Variants in DCC observed in about 807,000 individuals in gnomAD.
DCC encodes the protein DCC netrin 1 receptor.
Under a neutral mutation model 172.5 loss-of-function variants are expected in DCC, and 58 were observed. The observed-to-expected ratio is 0.34, with a 90% CI of 0.27 to 0.42. The LOEUF (loss-of-function observed/expected upper bound fraction) is 0.42. Among genes scored for constraint, DCC ranks in the 10% least tolerant of loss-of-function variants. The pLI, the probability that DCC is intolerant of heterozygous loss-of-function variation, is 1.00. For synonymous variants in DCC, 709 were observed against 644.5 expected (o/e 1.10, Z -1.52); for missense variants, 1,740 against 1,791.0 (o/e 0.97, Z 0.51).
rs1276550346 is a variant in DCC, at chr18:53,531,797, C to T, written c.*1144C>T. 1.3e-5 allele frequency: 2 copies of T among 152,178 alleles called. No individual in the cohort carries two copies. Among genetic ancestry groups the T allele is most frequent in the African/African-American group, 4.8e-5 (2 of 41,436 alleles). The allele number at this position is 152,178 out of a possible 1,614,324, so 9.4% of individuals were successfully genotyped here. A position where few individuals can be genotyped will look rare whatever the true frequency, so the allele number is the denominator to read the frequency against. ...GTTGGCAAGCATTGGCCACCAGACC[C>T]TTTTGTTAAGGGAAACTTTTACACT... On this transcript the variant is annotated 3_prime_UTR_variant, in exon 29 of 29. Transcript: ENST00000442544.
chr18:52,664,208 A>T (rs1206294443), intron 1 of DCC, among the ~76,000 whole-genome samples: 1 of 152,186 alleles, frequency 6.6e-6, no homozygotes, highest in East Asian at 1.9e-4. Flanking sequence ...AACAAATCAG[A>T]GAAAACTGAA....
chr18:52,461,341 C>G (rs936275889), intron 1 of DCC, among the ~76,000 whole-genome samples: 1 of 152,086 alleles, frequency 6.6e-6, no homozygotes, highest in East Asian at 1.9e-4. Flanking sequence ...GGGAATACCC[C>G]CCGAAGGACT....
intron 2 of DCC, among the ~76,000 whole-genome samples, chr18:52,874,011 T>C (rs565293922): frequency 2.5e-4 from 38 of 152,296 alleles, no homozygotes; most frequent in African/African-American, 8.4e-4. Context: ...TTTTTCTTTG[T>C]CTTCACGATC....
At chr18:52,927,117 G>GTGTA in intron 5 of DCC, among the ~76,000 whole-genome samples, 1 of 92,494 alleles carries the variant, frequency 1.1e-5, no homozygotes, top group Non-Finnish European at 2.4e-5. Flanking sequence ...ACGTATATAC[G>GTGTA]TGTATATACA....
chr18:53,128,348 A>G (rs1268371168), intron 7 of DCC, among the ~76,000 whole-genome samples: 1 of 152,120 alleles, frequency 6.6e-6, no homozygotes, highest in Non-Finnish European at 1.5e-5. Flanking sequence ...GCATAGAAAG[A>G]TCATTGTACA....
At chr18:52,694,372 T>C (rs2035978088) in intron 1 of DCC, among the ~76,000 whole-genome samples, 4 of 151,842 alleles carry the variant, frequency 2.6e-5, no homozygotes, top group Admixed American at 2.6e-4. Flanking sequence ...AAAACTGGTG[T>C]AAAAAAATGT....
intron 7 of DCC, among the ~76,000 whole-genome samples, chr18:53,104,217 T>C (rs1001801107): frequency 1.7e-4 from 26 of 152,084 alleles, no homozygotes; most frequent in African/African-American, 6.3e-4. Context: ...TCTCAGAATC[T>C]TTTAAGACCT....
At chr18:53,195,900 T>C (rs906480647) in intron 9 of DCC, among the ~76,000 whole-genome samples, 1 of 152,220 alleles carries the variant, frequency 6.6e-6, no homozygotes, top group Non-Finnish European at 1.5e-5. Flanking sequence ...TTCTAGGTGT[T>C]TTCTGTGCAT....
At chr18:52,520,128 TG>T (rs1282998202) in intron 1 of DCC, among the ~76,000 whole-genome samples, 2 of 152,210 alleles carry the variant, frequency 1.3e-5, no homozygotes, top group African/African-American at 4.8e-5. Flanking sequence ...CCTAAACCAG[TG>T]CTTCCAAGCT....
At chr18:52,784,140 C>A (rs1048888286) in intron 2 of DCC, among the ~76,000 whole-genome samples, 18 of 152,028 alleles carry the variant, frequency 1.2e-4, no homozygotes, top group African/African-American at 4.3e-4. Context: ...TCCATGAGAT[C>A]AACTTTTTTT....
At chr18:52,550,673 G>C (rs909723394) in intron 1 of DCC, among the ~76,000 whole-genome samples, 4 of 152,118 alleles carry the variant, frequency 2.6e-5, no homozygotes, top group African/African-American at 9.7e-5. Flanking sequence ...CCCTGGAATA[G>C]ACAATACTGC....
At chr18:52,580,735 A>G (rs2033525617) in intron 1 of DCC, among the ~76,000 whole-genome samples, 1 of 152,194 alleles carries the variant, frequency 6.6e-6, no homozygotes, top group Non-Finnish European at 1.5e-5. Context: ...TGTTGTCATC[A>G]TCATTCTAGC....
chr18:52,396,634 T>C (rs1442442365), intron 1 of DCC, among the ~76,000 whole-genome samples: 1 of 152,096 alleles, frequency 6.6e-6, no homozygotes, highest in Non-Finnish European at 1.5e-5. Flanking sequence ...GGGATTAACA[T>C]TTAATCAACA....
chr18:53,345,522 TATG>T (rs1476659110), intron 15 of DCC, among the ~76,000 whole-genome samples: 1 of 152,196 alleles, frequency 6.6e-6, no homozygotes, highest in Non-Finnish European at 1.5e-5. Context: ...AAGGGGAAAC[TATG>T]ATGTTTTCTA....
intron 1 of DCC, among the ~76,000 whole-genome samples, chr18:52,341,961 G>A (rs907056810): frequency 9.9e-5 from 15 of 152,124 alleles, no homozygotes; most frequent in Admixed American, 4.6e-4. Context: ...TTGAGTAGGA[G>A]CTCCCCAGTT....
chr18:53,443,234 A>G lies in DCC; in HGVS notation c.3230-7266A>G, dbSNP rs552782872. ...CAAAGGACAGGCTGACTCTCTCATC[A>G]GGGTATAGTGCAGCTGGATTTTAAG... On this transcript the variant is annotated intron_variant, in intron 22 of 28. Coordinates refer to ENST00000442544, the MANE Select transcript of DCC (RefSeq NM_005215.4). 5.9e-5 allele frequency among the ~76,000 whole-genome samples: 9 copies of G among 152,330 alleles called. No individual in the cohort carries two copies. In the South Asian group the frequency reaches 1.9e-3, roughly 32 times the overall value.
At chr18:53,244,775 G>A (rs534835929) in intron 12 of DCC, among the ~76,000 whole-genome samples, 9 of 152,132 alleles carry the variant, frequency 5.9e-5, no homozygotes, top group Admixed American at 3.3e-4. Flanking sequence ...CTTTGTAGAG[G>A]CTAGAAGTCA....
intron 25 of DCC, among the ~76,000 whole-genome samples, chr18:53,472,801 C>T (rs2045714090): frequency 6.6e-6 from 1 of 152,142 alleles, no homozygotes; most frequent in South Asian, 2.1e-4. Context: ...CATGGCATCC[C>T]ACCCCATACA....
chr18:52,936,469 C>T (rs2040382989), intron 5 of DCC, among the ~76,000 whole-genome samples: 1 of 121,246 alleles, frequency 8.2e-6, no homozygotes, highest in African/African-American at 2.9e-5. Context: ...TTCTCCCTTC[C>T]ACTGGAGAAA....
Sources: gnomAD v4.1 joint callset for allele counts (sites outside exome capture counted in the v4.1 genomes callset) on GRCh38, gnomAD v4.1.1 for gene constraint, MANE v1.5 for transcripts, NCBI Gene and HGNC (gene_info 2026-07-23, HGNC 2026-07-21) for gene names.